Variants in CHST3 observed in about 807,000 individuals in gnomAD.
The protein encoded by CHST3 is carbohydrate sulfotransferase 3.
Under a neutral mutation model 35.4 loss-of-function variants are expected in CHST3, and 20 were observed. The ratio of observed to expected loss-of-function variants is 0.57; its 90% confidence interval spans 0.40 to 0.82. CHST3 has a LOEUF of 0.82. Ranked by LOEUF, CHST3 falls within the 40% of genes least tolerant of loss-of-function variation. The probability of loss-of-function intolerance (pLI) is 0.00; values close to 1 mark genes in which losing one functional copy is unlikely to be tolerated. For synonymous variants in CHST3, 334 were observed against 295.9 expected, an observed-to-expected ratio of 1.13 and a Z score of -1.32; for missense variants, 693 against 670.1, an observed-to-expected ratio of 1.03 and a Z score of -0.38.
rs2131775958 is a variant in CHST3, at chr10:72,008,016, G to C, written c.985G>C (p.Gly329Arg). 6.5e-7 allele frequency: 1 copy of C among 1,549,514 alleles called. No individual in the cohort carries two copies. The highest frequency in any genetic ancestry group is 2.4e-5 in the East Asian group (1 of 40,886). The change falls in exon 3 of 3, where the codon GGC becomes CGC. Residue 329 changes from glycine (G) to arginine (R), a missense_variant. Physicochemically the swap from Gly to Arg is moderately radical, Grantham distance 125. Coordinates refer to ENST00000373115, the MANE Select transcript of CHST3 (RefSeq NM_004273.5). ...KTWKKWLDDE[G>R]QDGLREEEVQ... ...CTGGAAGAAGTGGCTGGACGACGAG[G>C]GCCAGGACGGCCTGAGGGAAGAGGA...
intron 1 of CHST3, among the ~76,000 whole-genome samples, chr10:71,978,385 G>C (rs1839768084): frequency 6.6e-6 from 1 of 150,644 alleles, no homozygotes; most frequent in Admixed American, 6.6e-5. Context: ...AAAAAACAAA[G>C]TGGCTCAGCT....
In CHST3 at chr10:71,990,513, G is replaced by C. The variant is rs377265061; in HGVS notation, c.-107-15223G>C. On this transcript the variant is annotated intron_variant, in intron 1 of 2. Coordinates refer to ENST00000373115, the MANE Select transcript of CHST3 (RefSeq NM_004273.5). The stretch of plus-strand genomic sequence containing the variant: ...TGAGTAGCTGAGATTACAGGCATAC[G>C]CCTCCATGCCCAGCTAATTTTGTAT... Among the ~76,000 whole-genome samples, 4 of 152,192 alleles carry C rather than the reference G, an allele frequency of 2.6e-5. No homozygotes were observed. In the South Asian group the frequency reaches 8.3e-4, roughly 32 times the overall value.
chr10:71,983,701 T>G (rs919417686), intron 1 of CHST3, among the ~76,000 whole-genome samples: 1 of 152,178 alleles, frequency 6.6e-6, no homozygotes, highest in African/African-American at 2.4e-5. Context: ...TTCACCTGCC[T>G]CGGCCTCCCA....
Position 72,008,326 on chromosome 10 carries a change from T to C in CHST3, c.1295T>C (p.Met432Thr). The C allele has an allele frequency of 6.3e-7, 1 of 1,577,144 alleles. No homozygotes were observed. The highest frequency in any genetic ancestry group is 8.6e-7 in the Non-Finnish European group (1 of 1,162,030). ...CAGTTCGAGAAGTGGCGCTTCAGCA[T>C]GCCCTTCAAGCTGGCCCAGGTGGTG... The part of the protein sequence containing the change: ...SEQFEKWRFS[M>T]PFKLAQVVQA... The change falls in exon 3 of 3, where the codon ATG (methionine) becomes ACG (threonine). Residue 432 changes from methionine (M) to threonine (T), a missense_variant. Physicochemically the swap from Met to Thr is moderately conservative, Grantham distance 81 (BLOSUM62 -1). Coordinates refer to ENST00000373115, the MANE Select transcript of CHST3 (RefSeq NM_004273.5).
Position 72,008,594 on chromosome 10 carries a change from CCCAGCCAGCGCT to C in CHST3, c.*131_*142del. 6 of 1,431,222 alleles carry C rather than the reference CCCAGCCAGCGCT, an allele frequency of 4.2e-6. No individual in the cohort carries two copies. Among genetic ancestry groups the C allele is most frequent in the Non-Finnish European group, 5.5e-6 (6 of 1,096,212 alleles). 88.7% of individuals were successfully genotyped at this position (1,431,222 alleles called of 1,614,324 possible). A position where few individuals can be genotyped will look rare whatever the true frequency, so the allele number is the denominator to read the frequency against. ...CAGCGCCTCCTGTAGCAGTAGGGCCCCCAGCCAGCGCTCCAGCCAAAGCGGCGGCCCCAGGGT... is the reference window on the plus strand; with the variant it reads ...CAGCGCCTCCTGTAGCAGTAGGGCCCCCAGCCAAAGCGGCGGCCCCAGGGT... On this transcript the variant is annotated 3_prime_UTR_variant, in exon 3 of 3. Transcript: ENST00000373115.
intron 1 of CHST3, among the ~76,000 whole-genome samples, chr10:71,974,805 C>G (rs553873276): frequency 6.6e-6 from 1 of 152,290 alleles, no homozygotes; most frequent in East Asian, 1.9e-4. Flanking sequence ...CTCCAGCTTC[C>G]TGCACTGGGT....
chr10:72,008,685 A>G lies in CHST3; in HGVS notation c.*214A>G. The G allele has an allele frequency of 9.8e-7, 1 of 1,021,006 alleles. No individual in the cohort carries two copies. Among genetic ancestry groups the G allele is most frequent in the Non-Finnish European group, 1.3e-6 (1 of 745,032 alleles). The allele number at this position is 1,021,006 out of a possible 1,614,324, so 63.2% of individuals were successfully genotyped here. A position where few individuals can be genotyped will look rare whatever the true frequency, so the allele number is the denominator to read the frequency against. On this transcript the variant is annotated 3_prime_UTR_variant, in exon 3 of 3. Coordinates refer to ENST00000373115, the MANE Select transcript of CHST3 (RefSeq NM_004273.5). ...TCCCCTTGAGGGCCATCACACCCAG[A>G]CCCAACGGGTTGCAGCCTCCTGAGC...
chr10:72,001,765 C>T (rs1839995644), intron 1 of CHST3, among the ~76,000 whole-genome samples: 1 of 152,154 alleles, frequency 6.6e-6, no homozygotes, highest in African/African-American at 2.4e-5. Context: ...ACCATCGTGC[C>T]TGGCCGGATG....
intron 1 of CHST3, among the ~76,000 whole-genome samples, chr10:72,003,701 A>T (rs1189757746): frequency 2.2e-5 from 1 of 45,794 alleles, no homozygotes; most frequent in Non-Finnish European, 6.0e-5. Flanking sequence ...ACTCTGTCTC[A>T]AAAAAAAAAA....
chr10:71,980,262 T>G (rs1839787214), intron 1 of CHST3, among the ~76,000 whole-genome samples: 1 of 152,018 alleles, frequency 6.6e-6, no homozygotes, highest in South Asian at 2.1e-4. Context: ...TGTCTGTAAT[T>G]CCAAACACTT....
chr10:71,980,868 A>C (rs1839794471), intron 1 of CHST3, among the ~76,000 whole-genome samples: 2 of 152,184 alleles, frequency 1.3e-5, no homozygotes, highest in Non-Finnish European at 2.9e-5. Context: ...GGGATCTTTA[A>C]CACCACCCTC....
chr10:71,978,227 C>T (rs943553726), intron 1 of CHST3, among the ~76,000 whole-genome samples: 7 of 152,140 alleles, frequency 4.6e-5, no homozygotes, highest in Non-Finnish European at 8.8e-5. Flanking sequence ...ATTAGCTGGA[C>T]GTGGTGGCAG....
At position 72,013,354 on chromosome 10, in the gene CHST3, C is replaced by T. The variant is rs1840132316; in HGVS notation, c.*4883C>T. The T allele has an allele frequency of 6.6e-6, 1 of 152,228 alleles. No homozygotes were observed. Among genetic ancestry groups the T allele is most frequent in the Non-Finnish European group, 1.5e-5 (1 of 68,052 alleles). The allele number at this position is 152,228 out of a possible 1,614,324, so 9.4% of individuals were successfully genotyped here. ...CCTCTGGCGCCGTTCCACATTGCTC[C>T]CAGCCCCATTGCTGTCACTGTCGTC... On this transcript the variant is annotated 3_prime_UTR_variant, in exon 3 of 3. Coordinates refer to ENST00000373115, the MANE Select transcript of CHST3 (RefSeq NM_004273.5).
In CHST3 at chr10:72,008,285, G is replaced by A. The variant is rs778084595; in HGVS notation, c.1254G>A (p.Gln418=). Residue 418 remains glutamine (Q), a synonymous_variant, in exon 3 of 3, where the codon CAG becomes CAA. Coordinates refer to ENST00000373115, the MANE Select transcript of CHST3 (RefSeq NM_004273.5). The part of the protein sequence containing the change: ...AHDGSGIYST[Q]KNSSEQFEKW... ...ACGGCAGCGGCATCTACTCCACGCAGAAGAACTCCTCGGAGCAGTTCGAGA... is the reference window on the plus strand; with the variant it reads ...ACGGCAGCGGCATCTACTCCACGCAAAAGAACTCCTCGGAGCAGTTCGAGA... The A allele has an allele frequency of 3.2e-6, 5 of 1,586,392 alleles. No homozygotes were observed. The highest frequency in any genetic ancestry group is 4.3e-6 in the Non-Finnish European group (5 of 1,166,968).
rs1564533998 is a variant in CHST3 at position 72,010,760 on chromosome 10, C to G, written c.*2289C>G. On this transcript the variant is annotated 3_prime_UTR_variant, in exon 3 of 3. Transcript: ENST00000373115. ...GATGTTTCTGGCAGGCCCAGAAGTG[C>G]TGGCCGTTCTTCCCCAGCCTCCCCA... The G allele has an allele frequency of 6.6e-6, 1 of 152,228 alleles. No homozygotes were observed. Among genetic ancestry groups the G allele is most frequent in the Non-Finnish European group, 1.5e-5 (1 of 68,060 alleles). The allele number at this position is 152,228 out of a possible 1,614,324, so 9.4% of individuals were successfully genotyped here. A position where few individuals can be genotyped will look rare whatever the true frequency, so the allele number is the denominator to read the frequency against.
chr10:71,964,510 C>G lies in CHST3; in HGVS notation c.-292C>G, dbSNP rs1330198708. ...CCTTCCAGCGTGCCGACCGGCCCCG[C>G]AGCGCCTCCATCCCTCCGGCCCGCC... On this transcript the variant is annotated 5_prime_UTR_variant, in exon 1 of 3. Coordinates refer to ENST00000373115, the MANE Select transcript of CHST3 (RefSeq NM_004273.5). 1 of 152,082 alleles carries G rather than the reference C, an allele frequency of 6.6e-6. No individual in the cohort carries two copies. The highest frequency in any genetic ancestry group is 6.5e-5 in the Admixed American group (1 of 15,272). The allele number at this position is 152,082 out of a possible 1,614,324, so 9.4% of individuals were successfully genotyped here.
Position 72,007,585 on chromosome 10 carries a change from C to T in CHST3, c.554C>T (p.Ala185Val), listed in dbSNP as rs1310983475. ...GGGGGCGCCAACGCCGCGGGCTCGG[C>T]CCTGGTGTACCGCGACGTGCTCAAG... ...EPGGANAAGS[A>V]LVYRDVLKQL... The change falls in exon 3 of 3, where the codon GCC (alanine) becomes GTC (valine). Residue 185 changes from alanine to valine, a missense_variant. By Grantham distance (64) the Ala-to-Val change is moderately conservative (BLOSUM62 0). Transcript: ENST00000373115. 1.2e-6 allele frequency: 2 copies of T among 1,609,158 alleles called. No individual in the cohort carries two copies. Among genetic ancestry groups the T allele is most frequent in the East Asian group, 2.2e-5 (1 of 44,870 alleles).
intron 2 of CHST3, among the ~76,000 whole-genome samples, chr10:72,006,786 C>T (rs1840042588): frequency 6.6e-6 from 1 of 152,216 alleles, no homozygotes; most frequent in Non-Finnish European, 1.5e-5. Context: ...ACCGTTCTAG[C>T]TTGTGCCTAT....
Position 72,007,847 on chromosome 10 carries a change from C to G in CHST3, c.816C>G (p.Leu272=), listed in dbSNP as rs762393741. The G allele has an allele frequency of 6.2e-7, 1 of 1,604,396 alleles. No individual in the cohort carries two copies. Among genetic ancestry groups the G allele is most frequent in the South Asian group, 1.1e-5 (1 of 90,594 alleles). Residue 272 remains leucine (L), a synonymous_variant, in exon 3 of 3, where the codon CTC becomes CTG. Transcript: ENST00000373115. ...GCCGCCGCAAGGAGCACATGGCCCT[C>G]AAGGCGGTGCGCATCCGGCAGCTGG... ...EACRRKEHMA[L]KAVRIRQLEF...
Sources: allele counts gnomAD v4.1 joint callset (sites outside exome capture counted in the v4.1 genomes callset), GRCh38; gene constraint gnomAD v4.1.1; transcripts MANE v1.5; gene names NCBI Gene and HGNC (gene_info 2026-07-23, HGNC 2026-07-21).